Variants in CEP162 observed in about 807,000 individuals in gnomAD.
CEP162 encodes centrosomal protein of 162 kDa.
CEP162 carries 141 observed loss-of-function variants against 169.2 expected under a neutral mutation model. That is an observed-to-expected ratio of 0.83 (90% CI 0.73 to 0.96). The LOEUF (loss-of-function observed/expected upper bound fraction) is 0.96, where lower values mean the gene tolerates loss of function less well. Among genes scored for constraint, CEP162 ranks in the 40% least tolerant of loss-of-function variants. CEP162 has a pLI of 0.00. For synonymous variants in CEP162, 540 were observed against 526.4 expected, an observed-to-expected ratio of 1.03 and a Z score of -0.35; for missense variants, 1,600 against 1,587.2, an observed-to-expected ratio of 1.01 and a Z score of -0.14.
intron 6 of CEP162, among the ~76,000 whole-genome samples, chr6:84,209,453 C>T (rs1231106207): frequency 2.6e-5 from 4 of 151,654 alleles, no homozygotes; most frequent in Non-Finnish European, 5.9e-5. Context: ...CGGCTCACTG[C>T]AACCTCTGCC....
chr6:84,197,179 T>C (rs950131921), intron 9 of CEP162, among the ~76,000 whole-genome samples: 2 of 151,558 alleles, frequency 1.3e-5, no homozygotes, highest in Admixed American at 1.3e-4. Flanking sequence ...AAGAATAGAT[T>C]CTAGGCTTTT....
At chr6:84,144,123 G>T (rs995840222) in intron 25 of CEP162, among the ~76,000 whole-genome samples, 8 of 151,832 alleles carry the variant, frequency 5.3e-5, no homozygotes, top group Non-Finnish European at 7.4e-5. Flanking sequence ...AACTAGCTTT[G>T]GGATGTTCCA....
chr6:84,161,760 T>G lies in CEP162; in HGVS notation c.2662A>C (p.Lys888Gln). The G allele has an allele frequency of 1.3e-6, 2 of 1,591,420 alleles. No individual in the cohort carries two copies. The highest frequency in any genetic ancestry group is 1.7e-6 in the Non-Finnish European group (2 of 1,168,680). ...ATATCTATTACCTCAAGTTTGAGCT[T>G]CTCAATTTCCTCATTTGCTTCTCTA... ...RLREANEEIE[K>Q]LKLEIEKLKA... The change falls in exon 20 of 27, where the codon AAG (lysine) becomes CAG (glutamine). Residue 888 changes from lysine to glutamine, a missense_variant. Transcript: ENST00000403245.
chr6:84,128,661 A>C (rs908439716), intron 25 of CEP162, among the ~76,000 whole-genome samples: 1 of 152,162 alleles, frequency 6.6e-6, no homozygotes, highest in Non-Finnish European at 1.5e-5. Flanking sequence ...TAAGGTATAT[A>C]AAACACTTTG....
intron 4 of CEP162, 83 bp from the exon 5 acceptor site, chr6:84,215,548 G>A (rs2099551226): frequency 4.0e-6 from 5 of 1,239,446 alleles, no homozygotes; most frequent in Admixed American, 3.2e-5. Flanking sequence ...TTGACATTAT[G>A]TAGTAAATTT....
At chr6:84,187,241 C>T (rs1251296030) in intron 11 of CEP162, among the ~76,000 whole-genome samples, 2 of 151,978 alleles carry the variant, frequency 1.3e-5, no homozygotes, top group East Asian at 1.9e-4. Context: ...GAAGATACAA[C>T]GTAAGGAAAT....
chr6:84,186,835 G>A (rs2099537394), intron 11 of CEP162, among the ~76,000 whole-genome samples: 2 of 152,126 alleles, frequency 1.3e-5, no homozygotes, highest in African/African-American at 4.8e-5. Flanking sequence ...TAATTTTAAT[G>A]CAGTATAATG....
chr6:84,207,117 T>C (rs2099547489), intron 6 of CEP162, among the ~76,000 whole-genome samples: 2 of 152,210 alleles, frequency 1.3e-5, no homozygotes, highest in Non-Finnish European at 2.9e-5. Flanking sequence ...TTTTACACTG[T>C]TGGTAGAAGT....
chr6:84,160,717 T>C, intron 21 of CEP162, 95 bp downstream of exon 21: 1 of 725,620 alleles, frequency 1.4e-6, no homozygotes, highest in Non-Finnish European at 2.4e-6. Context: ...AATTTCCAGG[T>C]CAACTCCATC....
In CEP162 at chr6:84,125,286, C is replaced by T; in HGVS notation, c.4006-10G>A. The T allele has an allele frequency of 4.3e-6, 7 of 1,610,294 alleles. No homozygotes were observed. Among genetic ancestry groups the T allele is most frequent in the Middle Eastern group, 1.7e-4 (1 of 5,982 alleles). On this transcript the variant is annotated splice_polypyrimidine_tract_variant and intron_variant, in intron 26 of 26. Coordinates refer to ENST00000403245, the MANE Select transcript of CEP162 (RefSeq NM_014895.4). ...GTGTTTGCTGTATTATCTGCAAATA[C>T]AAAAATTCCACATTGCTGTTATAGT...
rs147506897 is a variant in CEP162, at chr6:84,215,403, G to C, written c.382C>G (p.Gln128Glu). ...LGVGLDTLEE[Q>E]EEKEQFFARL... ...GCAAAAAATTGTTCTTTCTCCTCTTGTTCTTCTAATGTGTCCAATCCCACT... is the reference window on the plus strand; with the variant it reads ...GCAAAAAATTGTTCTTTCTCCTCTTCTTCTTCTAATGTGTCCAATCCCACT... The change falls in exon 5 of 27, where the codon CAA becomes GAA. Residue 128 changes from glutamine to glutamate, a missense_variant. Physicochemically the swap from Gln to Glu is conservative, Grantham distance 29. Transcript: ENST00000403245. 4 of 1,610,542 alleles carry C rather than the reference G, an allele frequency of 2.5e-6. No individual in the cohort carries two copies. The East Asian group carries it at 6.7e-5, about 27-fold the overall frequency.
chr6:84,161,777 G>T lies in CEP162; in HGVS notation c.2645C>A (p.Ala882Glu). The T allele has an allele frequency of 6.3e-7, 1 of 1,597,438 alleles. No individual in the cohort carries two copies. The highest frequency in any genetic ancestry group is 8.5e-7 in the Non-Finnish European group (1 of 1,171,582). The change falls in exon 20 of 27, where the codon GCA becomes GAA. Residue 882 changes from alanine to glutamate, a missense_variant. Physicochemically the swap from Ala to Glu is moderately radical, Grantham distance 107 (BLOSUM62 -1). Transcript: ENST00000403245. ...TTTGAGCTTCTCAATTTCCTCATTTGCTTCTCTAAGCCGAAGTGCATCTTT... is the reference window on the plus strand; with the variant it reads ...TTTGAGCTTCTCAATTTCCTCATTTTCTTCTCTAAGCCGAAGTGCATCTTT... ...LDKDALRLRE[A>E]NEEIEKLKLE...
intron 16 of CEP162, among the ~76,000 whole-genome samples, chr6:84,173,498 T>G (rs2099531028): frequency 6.6e-6 from 1 of 152,102 alleles, no homozygotes; most frequent in African/African-American, 2.4e-5. Flanking sequence ...TTAGAAAGAT[T>G]AAGTGATGCC....
At chr6:84,202,357 C>T (rs1472502983) in intron 7 of CEP162, among the ~76,000 whole-genome samples, 2 of 152,034 alleles carry the variant, frequency 1.3e-5, no homozygotes, top group South Asian at 2.1e-4. Flanking sequence ...CTTCCAATAA[C>T]AGAGCTTTAA....
Position 84,127,777 on chromosome 6 carries a change from A to G in CEP162, c.3871-1265T>C, listed in dbSNP as rs144929328. Among the ~76,000 whole-genome samples, 949 of 152,182 alleles carry G rather than the reference A, an allele frequency of 6.2e-3. 4 individuals carry two copies. The highest frequency in any genetic ancestry group is 0.022 in the African/African-American group (915 of 41,524). On this transcript the variant is annotated intron_variant, in intron 25 of 26. Coordinates refer to ENST00000403245, the MANE Select transcript of CEP162 (RefSeq NM_014895.4). Reference sequence around the variant, plus strand: ...AGGAAGCTCTGGTTTTCTGAATGAAACAGTCAAGTGAATGAGAATTCTAAT... The same window carrying G: ...AGGAAGCTCTGGTTTTCTGAATGAAGCAGTCAAGTGAATGAGAATTCTAAT...
At chr6:84,130,650 T>G (rs1302273376) in intron 25 of CEP162, among the ~76,000 whole-genome samples, 1 of 152,136 alleles carries the variant, frequency 6.6e-6, no homozygotes, top group African/African-American at 2.4e-5. Flanking sequence ...TGCATAGAGG[T>G]GTTTATAGTA....
intron 6 of CEP162, among the ~76,000 whole-genome samples, chr6:84,208,211 G>A (rs1050364151): frequency 1.3e-5 from 2 of 152,084 alleles, no homozygotes; most frequent in Non-Finnish European, 2.9e-5. Flanking sequence ...AGGAAAAAGT[G>A]TCTCCATGTT....
chr6:84,174,139 C>A lies in CEP162; in HGVS notation c.2075G>T (p.Gly692Val), dbSNP rs114370214. Residue 692 changes from glycine (G) to valine (V), a missense_variant, in exon 16 of 27, where the codon GGA becomes GTA. Transcript: ENST00000403245. ...TCCAGTGACAGGATCAGCTGCTTCT[C>A]CAAAATGTAACCACCTTTGTTTTTT... is the stretch of plus-strand genomic sequence containing the variant. ...TNKKQRWLHF[G>V]EAADPVTGEK... The A allele has an allele frequency of 6.2e-7, 1 of 1,609,998 alleles. No homozygotes were observed. Among genetic ancestry groups the A allele is most frequent in the Non-Finnish European group, 8.5e-7 (1 of 1,177,702 alleles).
chr6:84,205,296 A>G (rs1215184360), intron 6 of CEP162, among the ~76,000 whole-genome samples: 1 of 152,222 alleles, frequency 6.6e-6, no homozygotes, highest in African/African-American at 2.4e-5. Flanking sequence ...TTAGACCAAT[A>G]TCCCTGATGA....
Sources: allele counts gnomAD v4.1 joint callset (sites outside exome capture counted in the v4.1 genomes callset), GRCh38; gene constraint gnomAD v4.1.1; transcripts MANE v1.5; gene names NCBI Gene and HGNC (gene_info 2026-07-23, HGNC 2026-07-21).